Variants in C8orf89 observed in about 807,000 individuals in gnomAD.
C8orf89 encodes chromosome 8 open reading frame 89, also known as putative uncharacterized protein C8orf89.
In C8orf89, 14 loss-of-function variants were observed where a neutral mutation model predicts 15.8. The observed-to-expected ratio is 0.89, with a 90% CI of 0.59 to 1.39. C8orf89 has a LOEUF of 1.39. Ranked by LOEUF, C8orf89 falls within the 40% of genes most tolerant of loss-of-function variation. The pLI is 0.00. For synonymous variants in C8orf89, 55 were observed against 62.2 expected, an observed-to-expected ratio of 0.88 and a Z score of 0.54; for missense variants, 181 against 184.5, an observed-to-expected ratio of 0.98 and a Z score of 0.11.
intron 3 of C8orf89, among the ~76,000 whole-genome samples, chr8:73,247,108 A>G (rs1376927046): frequency 6.6e-6 from 1 of 152,198 alleles, no homozygotes; most frequent in Non-Finnish European, 1.5e-5. Context: ...CTTGTGTCAC[A>G]GGGATTTGTT....
At chr8:73,246,542 C>G (rs781339261) in intron 3 of C8orf89, among the ~76,000 whole-genome samples, 3 of 152,132 alleles carry the variant, frequency 2.0e-5, no homozygotes, top group Non-Finnish European at 4.4e-5. Flanking sequence ...CAATTCCCGG[C>G]TAATTTTTGT....
At chr8:73,278,058 T>G in the C8orf89 span, 40 of 458,530 alleles carry the variant, frequency 8.7e-5, no homozygotes, top group African/African-American at 7.8e-4. Context: ...TCTGCCTCAG[T>G]CTCCAACTCT....
the C8orf89 span, chr8:73,277,873 C>T: frequency 1.4e-6 from 1 of 696,588 alleles, no homozygotes; most frequent in Non-Finnish European, 2.7e-6. Context: ...TTGGTTCCTT[C>T]TCCAGCATTT....
At chr8:73,250,406 G>C in intron 2 of C8orf89, 83 bp from the exon 3 acceptor site, 1 of 746,908 alleles carries the variant, frequency 1.3e-6, no homozygotes, top group Non-Finnish European at 2.2e-6. Context: ...ACATCACATA[G>C]ACATTAAATA....
Position 73,250,255 on chromosome 8 carries a change from C to A in C8orf89, c.337+13G>T. Reference sequence around the variant, plus strand: ...CCAAGAGAGGTAGTAGAAAAAAGGACGAGTCAGCTTACCTTTTGATTTCTC... The same window carrying A: ...CCAAGAGAGGTAGTAGAAAAAAGGAAGAGTCAGCTTACCTTTTGATTTCTC... On this transcript the variant is annotated intron_variant, in intron 3 of 3. Coordinates refer to ENST00000624510, the MANE Select transcript of C8orf89 (RefSeq NM_001243237.3). The A allele has an allele frequency of 6.6e-7, 1 of 1,525,172 alleles. No homozygotes were observed. Among genetic ancestry groups the A allele is most frequent in the Non-Finnish European group, 8.8e-7 (1 of 1,138,384 alleles). The allele number at this position is 1,525,172 out of a possible 1,614,324, so 94.5% of individuals were successfully genotyped here.
chr8:73,262,094 A>G (rs1813539770), upstream of C8orf89, among the ~76,000 whole-genome samples: 1 of 152,224 alleles, frequency 6.6e-6, no homozygotes, highest in African/African-American at 2.4e-5. Flanking sequence ...TGGCAACAAA[A>G]CTAACTAAAA....
chr8:73,273,146 T>C, the C8orf89 span, among the ~76,000 whole-genome samples: 7 of 152,320 alleles, frequency 4.6e-5, no homozygotes, highest in Non-Finnish European at 7.3e-5. Flanking sequence ...CAGCCAGGGC[T>C]GCATGCTCCA....
At chr8:73,282,021 T>C in the C8orf89 span, among the ~76,000 whole-genome samples, 1 of 152,272 alleles carries the variant, frequency 6.6e-6, no homozygotes, top group Non-Finnish European at 1.5e-5. Flanking sequence ...TTGAAATTGT[T>C]ATGTGAGCAA....
At chr8:73,283,049 T>A in the C8orf89 span, among the ~76,000 whole-genome samples, 2 of 152,132 alleles carry the variant, frequency 1.3e-5, no homozygotes, top group East Asian at 3.8e-4. Context: ...ATGTTAAGAG[T>A]TATCTACTTA....
At chr8:73,276,805 ATTTT>A in the C8orf89 span, among the ~76,000 whole-genome samples, 71 of 87,634 alleles carry the variant, frequency 8.1e-4, no homozygotes, top group African/African-American at 2.6e-3. Flanking sequence ...CACAGCAGTC[ATTTT>A]TTTTTTTTTT....
chr8:73,260,112 T>A (rs1813495007), upstream of C8orf89, among the ~76,000 whole-genome samples: 1 of 152,212 alleles, frequency 6.6e-6, no homozygotes, highest in African/African-American at 2.4e-5. Context: ...TATTCATTCA[T>A]GCAAAATAAA....
At chr8:73,269,729 C>A in the C8orf89 span, among the ~76,000 whole-genome samples, 1 of 152,300 alleles carries the variant, frequency 6.6e-6, no homozygotes, top group Admixed American at 6.5e-5. Context: ...ACAAACCCAG[C>A]TCCTTAGGGG....
At chr8:73,270,493 GAAAAC>G in the C8orf89 span, among the ~76,000 whole-genome samples, 1 of 152,072 alleles carries the variant, frequency 6.6e-6, no homozygotes, top group African/African-American at 2.4e-5. Context: ...TTATGCAACA[GAAAAC>G]AAAACAAAAC....
intron 2 of C8orf89, among the ~76,000 whole-genome samples, chr8:73,255,252 T>G (rs925157024): frequency 0.01 from 1,595 of 151,972 alleles, 27 homozygotes; most frequent in African/African-American, 0.036. Flanking sequence ...AATCTACAAT[T>G]AACTCAAACA....
upstream of C8orf89, among the ~76,000 whole-genome samples, chr8:73,261,314 G>A (rs1813525455): frequency 6.6e-6 from 1 of 152,152 alleles, no homozygotes; most frequent in African/African-American, 2.4e-5. Flanking sequence ...GTTCCAGAAT[G>A]TAGTTTAACA....
the C8orf89 span, among the ~76,000 whole-genome samples, chr8:73,283,807 A>G: frequency 1.3e-5 from 2 of 152,154 alleles, no homozygotes; most frequent in Non-Finnish European, 2.9e-5. Context: ...TGGGAGCCCA[A>G]GGCAGGCACA....
At chr8:73,243,567 T>C (rs770753169) in intron 3 of C8orf89, among the ~76,000 whole-genome samples, 62 of 152,350 alleles carry the variant, frequency 4.1e-4, no homozygotes, top group Non-Finnish European at 7.2e-4. Context: ...TCTTGCTCTG[T>C]CACCCAGGCT....
At chr8:73,261,709 A>G (rs1237408351), upstream of C8orf89, among the ~76,000 whole-genome samples, 1 of 152,212 alleles carries the variant, frequency 6.6e-6, no homozygotes, top group Non-Finnish European at 1.5e-5. Flanking sequence ...GTGAGGATGG[A>G]GACCAGACAG....
chr8:73,242,484 T>C (rs1813027955), intron 3 of C8orf89, among the ~76,000 whole-genome samples: 3 of 152,064 alleles, frequency 2.0e-5, no homozygotes, highest in African/African-American at 7.2e-5. Context: ...AATTAATTAG[T>C]TAAATGGGCC....
Sources: allele counts gnomAD v4.1 joint callset (sites outside exome capture counted in the v4.1 genomes callset), GRCh38; gene constraint gnomAD v4.1.1; transcripts MANE v1.5; gene names NCBI Gene and HGNC (gene_info 2026-07-23, HGNC 2026-07-21).